The following CREB5 variants were observed in gnomAD, a reference collection of about 807,000 sequenced individuals.
CREB5 encodes cAMP responsive element binding protein 5.
A neutral mutation model predicts 57.1 loss-of-function variants in CREB5; 19 were observed. The ratio of observed to expected loss-of-function variants is 0.33; its 90% confidence interval spans 0.23 to 0.49. The LOEUF (loss-of-function observed/expected upper bound fraction) is 0.49. Ranked by LOEUF, CREB5 falls within the 20% of genes least tolerant of loss-of-function variation. The pLI is 0.99. For missense variants in CREB5, 579 were observed against 671.6 expected (o/e 0.86, Z 1.52); for synonymous variants, 238 against 238.3 (o/e 1.00, Z 0.01).
At chr7:28,649,885 A>T (rs1357656621) in intron 5 of CREB5, among the ~76,000 whole-genome samples, 1 of 152,236 alleles carries the variant, frequency 6.6e-6, no homozygotes, top group Non-Finnish European at 1.5e-5. Context: ...TAATGAGCTA[A>T]ATAGTCAGTT....
At chr7:28,804,648 G>A (rs528277034) in intron 8 of CREB5, 126 bp downstream of exon 8, 13 of 1,212,748 alleles carry the variant, frequency 1.1e-5, no homozygotes, top group Non-Finnish European at 1.4e-5. Flanking sequence ...CATTCTAGGG[G>A]CTCTGTTTAT....
At chr7:28,550,951 C>T (rs997765259) in intron 4 of CREB5, among the ~76,000 whole-genome samples, 5 of 152,106 alleles carry the variant, frequency 3.3e-5, no homozygotes, top group African/African-American at 7.2e-5. Context: ...CAGTTGATGC[C>T]AAATGTTCAT....
intron 1 of CREB5, among the ~76,000 whole-genome samples, chr7:28,417,844 T>G (rs1338487901): frequency 1.3e-5 from 2 of 152,210 alleles, no homozygotes; most frequent in African/African-American, 4.8e-5. Flanking sequence ...AGATTAAAAT[T>G]TACAGAATGA....
At chr7:28,689,797 C>T (rs1801153521) in intron 5 of CREB5, among the ~76,000 whole-genome samples, 1 of 152,062 alleles carries the variant, frequency 6.6e-6, no homozygotes, top group Admixed American at 6.6e-5. Context: ...GCAACTGAAG[C>T]ACAAAAGCCT....
intron 5 of CREB5, among the ~76,000 whole-genome samples, chr7:28,608,888 T>A (rs778562865): frequency 6.6e-6 from 1 of 152,200 alleles, no homozygotes; most frequent in African/African-American, 2.4e-5. Flanking sequence ...TCTTCTTAAA[T>A]TATCTTAATT....
At chr7:28,358,134 C>G (rs1786383002) in intron 1 of CREB5, among the ~76,000 whole-genome samples, 1 of 152,016 alleles carries the variant, frequency 6.6e-6, no homozygotes, top group Non-Finnish European at 1.5e-5. Context: ...AACTGAAGTC[C>G]AAAAGAAATG....
intron 5 of CREB5, among the ~76,000 whole-genome samples, chr7:28,650,596 C>A (rs73081873): frequency 0.088 from 13,366 of 152,084 alleles, 751 homozygotes; most frequent in South Asian, 0.16. Flanking sequence ...GTGCTTCCCC[C>A]CCCAACCTTC....
intron 1 of CREB5, among the ~76,000 whole-genome samples, chr7:28,337,269 C>G (rs1231505224): frequency 6.6e-6 from 1 of 152,002 alleles, no homozygotes; most frequent in Admixed American, 6.6e-5. Flanking sequence ...TCTGGATGAT[C>G]TATCTAATGT....
chr7:28,673,861 AC>A (rs1800186802), intron 5 of CREB5, among the ~76,000 whole-genome samples: 2 of 151,632 alleles, frequency 1.3e-5, no homozygotes, highest in South Asian at 4.2e-4. Context: ...TTTTGTAGAG[AC>A]GGGGTCTCAT....
intron 4 of CREB5, among the ~76,000 whole-genome samples, chr7:28,527,927 G>A (rs941709417): frequency 6.6e-6 from 1 of 152,184 alleles, no homozygotes; most frequent in African/African-American, 2.4e-5. Context: ...AAGAGCTTGA[G>A]CTATCCATAC....
In CREB5 at chr7:28,786,992, G is replaced by C. The variant is rs527622418; in HGVS notation, c.703-17207G>C. 1.7e-4 allele frequency among the ~76,000 whole-genome samples: 26 copies of C among 152,298 alleles called. No individual in the cohort carries two copies. In the East Asian group the frequency reaches 4.8e-3, roughly 28 times the overall value. On this transcript the variant is annotated intron_variant, in intron 7 of 10. Coordinates refer to ENST00000357727, the MANE Select transcript of CREB5 (RefSeq NM_182898.4). ...AAACCATGTTAGGAAGCCAGCAGAA[G>C]AAAGCTGAGAGAAGTTCCCCAGCTG...
At chr7:28,500,957 T>C (rs1390951985) in intron 3 of CREB5, among the ~76,000 whole-genome samples, 2 of 152,180 alleles carry the variant, frequency 1.3e-5, no homozygotes, top group African/African-American at 4.8e-5. Context: ...GGGAGATGGC[T>C]TGCACCAGAG....
chr7:28,687,820 G>C (rs912601869), intron 5 of CREB5, among the ~76,000 whole-genome samples: 2 of 152,116 alleles, frequency 1.3e-5, no homozygotes, highest in East Asian at 3.9e-4. Flanking sequence ...GGAGGAAGTA[G>C]CATGATGTGT....
chr7:28,393,032 C>T (rs1787254413), intron 1 of CREB5, among the ~76,000 whole-genome samples: 1 of 151,986 alleles, frequency 6.6e-6, no homozygotes, highest in Non-Finnish European at 1.5e-5. Context: ...TCAAGCGATT[C>T]TCCTGTCTCA....
At chr7:28,813,185 G>A (rs770116494) in intron 9 of CREB5, among the ~76,000 whole-genome samples, 5 of 152,164 alleles carry the variant, frequency 3.3e-5, no homozygotes, top group Non-Finnish European at 7.4e-5. Flanking sequence ...GAGGACTCAG[G>A]GAAGTCTCCT....
chr7:28,494,900 C>T lies in CREB5; in HGVS notation c.76-6C>T, dbSNP rs77306029. On this transcript the variant is annotated splice_polypyrimidine_tract_variant and splice_region_variant and intron_variant, in intron 2 of 10. Coordinates refer to ENST00000357727, the MANE Select transcript of CREB5 (RefSeq NM_182898.4). Reference sequence around the variant, plus strand: ...TCCCCTCCCTTTTTTTTTATTCGTCCGACAGCGCTTCCCAACAGAGGACCA... The same window carrying T: ...TCCCCTCCCTTTTTTTTTATTCGTCTGACAGCGCTTCCCAACAGAGGACCA... 5.9e-3 allele frequency: 9,225 copies of T among 1,570,160 alleles called. 187 individuals are homozygous for T. The highest frequency in any genetic ancestry group is 0.053 in the African/African-American group (3,773 of 71,492).
chr7:28,564,023 C>CT (rs1795384628), intron 4 of CREB5, among the ~76,000 whole-genome samples: 1 of 152,166 alleles, frequency 6.6e-6, no homozygotes, highest in Non-Finnish European at 1.5e-5. Context: ...AATCAGGGCT[C>CT]TTTAACATCT....
chr7:28,384,168 G>T (rs1176042710), intron 1 of CREB5, among the ~76,000 whole-genome samples: 2 of 152,160 alleles, frequency 1.3e-5, no homozygotes, highest in African/African-American at 4.8e-5. Context: ...CACTGGACAT[G>T]CTGGGAATGA....
At chr7:28,530,326 G>C (rs1450176296) in intron 4 of CREB5, among the ~76,000 whole-genome samples, 1 of 152,178 alleles carries the variant, frequency 6.6e-6, no homozygotes, top group Non-Finnish European at 1.5e-5. Context: ...CTTATCAAAG[G>C]GAACAAGGTT....
Sources: gnomAD v4.1 joint callset for allele counts (sites outside exome capture counted in the v4.1 genomes callset) on GRCh38, gnomAD v4.1.1 for gene constraint, MANE v1.5 for transcripts, NCBI Gene and HGNC (gene_info 2026-07-23, HGNC 2026-07-21) for gene names.